Variants in RNF13 observed in about 807,000 individuals in gnomAD.
RNF13 encodes E3 ubiquitin-protein ligase RNF13.
A neutral mutation model predicts 37.7 loss-of-function variants in RNF13; 19 were observed. The ratio of observed to expected loss-of-function variants is 0.50; its 90% CI spans 0.35 to 0.74. The LOEUF is 0.74. Ranked by LOEUF, RNF13 falls within the 30% of genes least tolerant of loss-of-function variation. The probability of loss-of-function intolerance (pLI) is 0.01; values close to 1 mark genes in which losing one functional copy is unlikely to be tolerated. For missense variants in RNF13, 375 were observed against 453.0 expected (o/e 0.83, Z 1.56); for synonymous variants, 144 against 157.8 (o/e 0.91, Z 0.65).
intron 4 of RNF13, among the ~76,000 whole-genome samples, chr3:149,879,187 G>A (rs963962236): frequency 6.6e-6 from 1 of 152,028 alleles, no homozygotes; most frequent in African/African-American, 2.4e-5. Context: ...ATGTGTATAT[G>A]TGCAATTTAA....
chr3:149,833,966 T>C (rs1428892242), intron 1 of RNF13, among the ~76,000 whole-genome samples: 1 of 152,212 alleles, frequency 6.6e-6, no homozygotes, highest in Non-Finnish European at 1.5e-5. Context: ...GTTGCATTCC[T>C]ATAAAGTAAC....
At chr3:149,908,333 T>C (rs1576859292) in intron 6 of RNF13, among the ~76,000 whole-genome samples, 1 of 152,140 alleles carries the variant, frequency 6.6e-6, no homozygotes, top group East Asian at 1.9e-4. Context: ...ATATTTTCTC[T>C]TGAAAATGAA....
chr3:149,887,094 G>A (rs755339391), intron 4 of RNF13, among the ~76,000 whole-genome samples: 2 of 152,062 alleles, frequency 1.3e-5, no homozygotes, highest in Non-Finnish European at 1.5e-5. Flanking sequence ...GACTTGAATC[G>A]CTGACACCAC....
chr3:149,888,883 G>A (rs1389397827), intron 4 of RNF13, among the ~76,000 whole-genome samples: 1 of 152,194 alleles, frequency 6.6e-6, no homozygotes, highest in Non-Finnish European at 1.5e-5. Flanking sequence ...TATAGGAAAT[G>A]TAACAATGTG....
At chr3:149,897,420 T>C (rs1160756974) in intron 5 of RNF13, among the ~76,000 whole-genome samples, 1 of 152,244 alleles carries the variant, frequency 6.6e-6, no homozygotes, top group Non-Finnish European at 1.5e-5. Context: ...CAGTTCCCTT[T>C]ATCACTTATT....
intron 4 of RNF13, among the ~76,000 whole-genome samples, chr3:149,883,723 G>A (rs1037379013): frequency 6.7e-6 from 1 of 150,234 alleles, no homozygotes; most frequent in African/African-American, 2.5e-5. Flanking sequence ...TTTAAGTTCT[G>A]GGGTACATGT....
intron 2 of RNF13, chr3:149,851,340 A>G (rs1723103418): frequency 6.6e-6 from 1 of 152,326 alleles, no homozygotes; most frequent in South Asian, 2.1e-4. Context: ...TACTGGAGAG[A>G]TGCAAGGCAA....
At chr3:149,839,500 C>T (rs1227058255) in intron 1 of RNF13, among the ~76,000 whole-genome samples, 1 of 147,730 alleles carries the variant, frequency 6.8e-6, no homozygotes, top group Admixed American at 6.8e-5. Context: ...AGAATCATGG[C>T]AGAAGGCAAA....
At chr3:149,819,397 A>G (rs1255768541) in intron 1 of RNF13, among the ~76,000 whole-genome samples, 2 of 152,206 alleles carry the variant, frequency 1.3e-5, no homozygotes, top group East Asian at 3.8e-4. Flanking sequence ...TAAAGGAAAA[A>G]TAAGCCATAG....
chr3:149,825,815 A>G (rs1370041301), intron 1 of RNF13, among the ~76,000 whole-genome samples: 2 of 152,236 alleles, frequency 1.3e-5, no homozygotes, highest in African/African-American at 2.4e-5. Flanking sequence ...TAAACTACAT[A>G]AAAGTGTATA....
Position 149,921,182 on chromosome 3 carries a change from C to T in RNF13, c.655C>T (p.Arg219Cys), listed in dbSNP as rs143447610. The T allele has an allele frequency of 2.8e-4, 400 of 1,426,592 alleles. 2 individuals carry two copies. The African/African-American group carries it at 4.8e-3, about 17-fold the overall frequency. 88.4% of individuals were successfully genotyped at this position (1,426,592 alleles called of 1,614,324 possible). A position where few individuals can be genotyped will look rare whatever the true frequency, so the allele number is the denominator to read the frequency against. ...DRHRARRNRL[R>C]KDQLKKLPVH... ...ACATAGAGCTAGAAGAAACAGACTT[C>T]GTAAAGATCAACTTAAGAAACTTCC... is the stretch of plus-strand genomic sequence containing the variant. Residue 219 changes from arginine (R) to cysteine (C), a missense_variant, in exon 8 of 10, where the codon CGT becomes TGT. Transcript: ENST00000392894.
At chr3:149,832,649 C>T (rs10935780) in intron 1 of RNF13, among the ~76,000 whole-genome samples, 151,053 of 152,298 alleles carry the variant, frequency 0.99, 74,919 homozygotes, top group East Asian at 1. Flanking sequence ...ATTATAGTGA[C>T]TAAAGAAAAC....
intron 6 of RNF13, among the ~76,000 whole-genome samples, chr3:149,909,711 G>A (rs775651041): frequency 2.6e-5 from 4 of 152,048 alleles, no homozygotes; most frequent in African/African-American, 4.8e-5. Flanking sequence ...GAACCCGGGC[G>A]TATGAATCTT....
At chr3:149,914,954 C>T (rs1274994973) in intron 7 of RNF13, among the ~76,000 whole-genome samples, 1 of 151,114 alleles carries the variant, frequency 6.6e-6, no homozygotes, top group African/African-American at 2.4e-5. Context: ...AAAAAAAAGT[C>T]AAGAACAGGA....
At chr3:149,871,971 TA>T in intron 3 of RNF13, 57 bp from the exon 4 acceptor site, 1 of 1,425,242 alleles carries the variant, frequency 7.0e-7, no homozygotes, top group South Asian at 1.4e-5. Flanking sequence ...TTTGTAGAAG[TA>T]AGTTGATTGA....
chr3:149,856,772 A>C (rs1369669992), intron 3 of RNF13, among the ~76,000 whole-genome samples: 1 of 152,032 alleles, frequency 6.6e-6, no homozygotes, highest in East Asian at 1.9e-4. Flanking sequence ...ATTGAGACGG[A>C]GTCTCACTCT....
At chr3:149,945,755 T>A (rs9878251) in intron 8 of RNF13, among the ~76,000 whole-genome samples, 129,948 of 151,840 alleles carry the variant, frequency 0.86, 55,686 homozygotes, top group East Asian at 0.92. Context: ...CATTTGCTGT[T>A]CAGCCATATT....
intron 4 of RNF13, among the ~76,000 whole-genome samples, chr3:149,882,039 A>G (rs2035741): frequency 0.87 from 132,370 of 151,998 alleles, 57,767 homozygotes; most frequent in African/African-American, 0.92. Context: ...AAGGATATAC[A>G]GATGGAGGAA....
intron 8 of RNF13, among the ~76,000 whole-genome samples, chr3:149,929,038 G>A (rs2108553183): frequency 6.6e-6 from 1 of 152,122 alleles, no homozygotes; most frequent in East Asian, 1.9e-4. Flanking sequence ...CTACAACTTT[G>A]ATGGATTTGT....
Sources: allele counts gnomAD v4.1 joint callset (sites outside exome capture counted in the v4.1 genomes callset), GRCh38; gene constraint gnomAD v4.1.1; transcripts MANE v1.5; gene names NCBI Gene and HGNC (gene_info 2026-07-23, HGNC 2026-07-21).